GPR158: variants seen among roughly 807,000 people sequenced by gnomAD.
GPR158 encodes the protein metabotropic glycine receptor.
In GPR158, 30 loss-of-function variants were observed where a neutral mutation model predicts 78.2. The ratio of observed to expected loss-of-function variants is 0.38; its 90% confidence interval spans 0.29 to 0.52. GPR158 has a LOEUF of 0.52. Among genes scored for constraint, GPR158 ranks in the 20% least tolerant of loss-of-function variants. The pLI, the probability that GPR158 is intolerant of heterozygous loss-of-function variation, is 0.83. For missense variants in GPR158, 1,463 were observed against 1,523.5 expected (o/e 0.96, Z 0.66); for synonymous variants, 581 against 591.1 (o/e 0.98, Z 0.25).
chr10:25,598,540 A>T lies in GPR158; in HGVS notation c.2914A>T (p.Lys972Ter), dbSNP rs1352121437. The part of the protein sequence containing the change: ...NPAEEPRKPQ[K>*]SGIMKQQRVN... ...TGCGGAGGAGCCAAGAAAGCCTCAG[A>T]AATCTGGGATTATGAAACAACAAAG... The change falls in exon 11 of 11, where the codon AAA becomes TAA. Residue 972 changes from lysine to a stop codon, truncating the protein, a stop_gained. Coordinates refer to ENST00000376351, the MANE Select transcript of GPR158 (RefSeq NM_020752.3). LOFTEE classifies it low-confidence loss of function (END_TRUNC). 6.2e-7 allele frequency: 1 copy of T among 1,613,746 alleles called. No individual in the cohort carries two copies. Among genetic ancestry groups the T allele is most frequent in the Admixed American group, 1.7e-5 (1 of 59,988 alleles).
intron 2 of GPR158, among the ~76,000 whole-genome samples, chr10:25,376,299 C>A (rs947943222): frequency 1.3e-5 from 2 of 151,504 alleles, no homozygotes; most frequent in African/African-American, 4.8e-5. Flanking sequence ...AGCTTTTAGG[C>A]GTGTTTCTTT....
At chr10:25,458,062 G>T (rs760151712) in intron 4 of GPR158, among the ~76,000 whole-genome samples, 6 of 152,028 alleles carry the variant, frequency 3.9e-5, no homozygotes, top group Non-Finnish European at 8.8e-5. Flanking sequence ...TTTATTTAGT[G>T]TGTCATACTG....
At chr10:25,327,259 C>CACACACACACACAGAAACACAA (rs1415813960) in intron 2 of GPR158, among the ~76,000 whole-genome samples, 23 of 151,964 alleles carry the variant, frequency 1.5e-4, no homozygotes, top group Non-Finnish European at 2.8e-4. Context: ...CAAACACACA[C>CACACACACACACAGAAACACAA]ACACACACAC....
At chr10:25,371,300 C>G (rs1833988178) in intron 2 of GPR158, among the ~76,000 whole-genome samples, 1 of 151,830 alleles carries the variant, frequency 6.6e-6, no homozygotes, top group Admixed American at 6.6e-5. Context: ...TTTGCAGTGG[C>G]TGGTACCAGT....
intron 3 of GPR158, among the ~76,000 whole-genome samples, chr10:25,408,555 A>T (rs1834545505): frequency 6.6e-6 from 1 of 152,136 alleles, no homozygotes; most frequent in Non-Finnish European, 1.5e-5. Flanking sequence ...CACCATCCTC[A>T]GACCTTCTGA....
At chr10:25,365,403 A>G (rs1422733863) in intron 2 of GPR158, among the ~76,000 whole-genome samples, 6 of 151,682 alleles carry the variant, frequency 4.0e-5, no homozygotes, top group Non-Finnish European at 7.4e-5. Flanking sequence ...TTTATTCTGT[A>G]CTTGATTTGC....
At chr10:25,188,659 A>T (rs963997739) in intron 1 of GPR158, among the ~76,000 whole-genome samples, 8 of 152,226 alleles carry the variant, frequency 5.3e-5, no homozygotes, top group Non-Finnish European at 1.0e-4. Context: ...CTTAAACGTT[A>T]GACCTAAAAC....
chr10:25,212,362 A>G (rs1853143498), intron 1 of GPR158, among the ~76,000 whole-genome samples: 1 of 152,068 alleles, frequency 6.6e-6, no homozygotes, highest in South Asian at 2.1e-4. Flanking sequence ...GGACAACCGG[A>G]ACTTACGAGA....
chr10:25,317,780 G>A (rs896120227), intron 2 of GPR158, among the ~76,000 whole-genome samples: 17 of 148,482 alleles, frequency 1.1e-4, no homozygotes, highest in African/African-American at 3.8e-4. Context: ...CCAGGCTGGA[G>A]TGCAATGGCG....
At chr10:25,455,682 T>G (rs933057014) in intron 4 of GPR158, among the ~76,000 whole-genome samples, 1 of 152,192 alleles carries the variant, frequency 6.6e-6, no homozygotes, top group Non-Finnish European at 1.5e-5. Flanking sequence ...TGAAAATCGT[T>G]ACTTACTCAT....
intron 5 of GPR158, among the ~76,000 whole-genome samples, chr10:25,473,574 C>T (rs886860089): frequency 2.6e-5 from 4 of 152,090 alleles, no homozygotes; most frequent in African/African-American, 4.8e-5. Context: ...GGCTGTGAAT[C>T]CATCTGGTGC....
intron 5 of GPR158, among the ~76,000 whole-genome samples, chr10:25,509,134 C>A (rs1454015921): frequency 6.6e-6 from 1 of 152,184 alleles, no homozygotes; most frequent in Non-Finnish European, 1.5e-5. Flanking sequence ...CAACCACCCA[C>A]TAAACACCAG....
chr10:25,369,444 G>A (rs1346836581), intron 2 of GPR158, among the ~76,000 whole-genome samples: 6 of 148,172 alleles, frequency 4.0e-5, no homozygotes, highest in Non-Finnish European at 7.5e-5. Context: ...TTTTGTCTTT[G>A]GCTCTGTTTA....
At chr10:25,498,744 A>C (rs1043663424) in intron 5 of GPR158, among the ~76,000 whole-genome samples, 1 of 152,172 alleles carries the variant, frequency 6.6e-6, no homozygotes, top group African/African-American at 2.4e-5. Flanking sequence ...TGGGCAGCAA[A>C]CCATTTTTGA....
intron 10 of GPR158, among the ~76,000 whole-genome samples, chr10:25,597,454 A>C (rs890640763): frequency 5.9e-5 from 9 of 152,350 alleles, no homozygotes; most frequent in African/African-American, 2.2e-4. Flanking sequence ...TAAAGTCCAC[A>C]CTTTATGTGA....
intron 2 of GPR158, among the ~76,000 whole-genome samples, chr10:25,324,831 C>CTTTTTTTTTTT (rs34746907): frequency 2.4e-5 from 3 of 125,390 alleles, no homozygotes; most frequent in Non-Finnish European, 3.2e-5. Context: ...TTTTTTCTTT[C>CTTTTTTTTTTT]TTTTTTTTTT....
chr10:25,588,822 G>C (rs1837303293), intron 7 of GPR158, among the ~76,000 whole-genome samples, 185 bp from the exon 8 acceptor site: 2 of 152,108 alleles, frequency 1.3e-5, no homozygotes, highest in South Asian at 4.1e-4. Flanking sequence ...TGTACCCTTT[G>C]AAAAATATTC....
intron 7 of GPR158, among the ~76,000 whole-genome samples, chr10:25,580,942 G>C (rs1364466649): frequency 7.5e-6 from 1 of 133,860 alleles, no homozygotes; most frequent in Admixed American, 7.5e-5. Context: ...TTTTGAGACG[G>C]AGTCTCGCTC....
At chr10:25,239,343 G>A in intron 2 of GPR158, among the ~76,000 whole-genome samples, 1 of 152,128 alleles carries the variant, frequency 6.6e-6, no homozygotes, top group Non-Finnish European at 1.5e-5. Context: ...GCTGATGCCT[G>A]TAATCCCAGC....
Sources: allele counts gnomAD v4.1 joint callset (sites outside exome capture counted in the v4.1 genomes callset), GRCh38; gene constraint gnomAD v4.1.1; transcripts MANE v1.5; gene names NCBI Gene and HGNC (gene_info 2026-07-23, HGNC 2026-07-21).